TXNIP: variants seen among roughly 807,000 people sequenced by gnomAD.
The protein encoded by TXNIP is thioredoxin interacting protein.
In TXNIP, 23 loss-of-function variants were observed where a neutral mutation model predicts 43.9. The observed-to-expected ratio is 0.52, with a 90% CI of 0.38 to 0.74. TXNIP has a LOEUF of 0.74. Among genes scored for constraint, TXNIP ranks in the 30% least tolerant of loss-of-function variants. The pLI is 0.00. For missense variants in TXNIP, 555 were observed against 485.4 expected, an observed-to-expected ratio of 1.14 and a Z score of -1.35; for synonymous variants, 234 against 172.2, an observed-to-expected ratio of 1.36 and a Z score of -2.81.
intron 3 of TXNIP, 30 bp from the exon 4 acceptor site, chr1:145,995,061 G>A (rs1361996535): frequency 3.1e-5 from 50 of 1,613,384 alleles, no homozygotes; most frequent in Non-Finnish European, 4.2e-5. Flanking sequence ...AAGGTGTTTT[G>A]AGATGCTTCA....
rs1651432679 is a variant in TXNIP, at chr1:145,995,261, A to ACACCCG, written c.353_354insCGGGTG (p.Gly119_Cys120dup). On this transcript the variant is annotated inframe_insertion, in exon 3 of 8. Coordinates refer to ENST00000582401, the MANE Select transcript of TXNIP (RefSeq NM_006472.6). ...CCTTCACCCAGTAGTCTACACACCC[A>ACACCCG]TATTTTCCTTTGAAGGATGTTCCCA... is the stretch of plus-strand genomic sequence containing the variant. The ACACCCG allele has an allele frequency of 6.2e-7, 1 of 1,614,018 alleles. No individual in the cohort carries two copies. Among genetic ancestry groups the ACACCCG allele is most frequent in the Admixed American group, 1.7e-5 (1 of 59,990 alleles).
rs1459552093 is a variant in TXNIP at position 145,996,366 on chromosome 1, G to A, written c.-100C>T. On this transcript the variant is annotated 5_prime_UTR_variant, in exon 1 of 8. Coordinates refer to ENST00000582401, the MANE Select transcript of TXNIP (RefSeq NM_006472.6). ...TTTGCAAAAAATTATTTCACTTTAA[G>A]GAATTAAGGTATTCTTAAGCAGTTT... is the stretch of plus-strand genomic sequence containing the variant. 3.7e-6 allele frequency: 5 copies of A among 1,353,366 alleles called. No individual in the cohort carries two copies. Among genetic ancestry groups the A allele is most frequent in the East Asian group, 2.3e-5 (1 of 43,330 alleles). The allele number at this position is 1,353,366 out of a possible 1,614,324, so 83.8% of individuals were successfully genotyped here.
At chr1:145,995,616 C>T (rs932680935) in intron 1 of TXNIP, 140 bp from the exon 2 acceptor site, 11 of 800,048 alleles carry the variant, frequency 1.4e-5, no homozygotes, top group Non-Finnish European at 1.9e-5. Context: ...TTTAATCCAT[C>T]CCATATTGTT....
chr1:145,996,310 G>GA lies in TXNIP; in HGVS notation c.-45dup, dbSNP rs587651569. On this transcript the variant is annotated 5_prime_UTR_variant, in exon 1 of 8. Coordinates refer to ENST00000582401, the MANE Select transcript of TXNIP (RefSeq NM_006472.6). ...TTAAGAGTTAGAAATGACGGTGGAA[G>GA]AAAAAAAAAGCTCCAAATCGAGGAA... 732 of 1,544,694 alleles carry GA rather than the reference G, an allele frequency of 4.7e-4. No individual in the cohort carries two copies. The African/African-American group carries it at 6.6e-3, about 14-fold the overall frequency.
chr1:145,996,233 C>T lies in TXNIP; in HGVS notation c.34G>A (p.Val12Met), dbSNP rs138655999. 2.5e-6 allele frequency: 4 copies of T among 1,613,876 alleles called. No homozygotes were observed. Among genetic ancestry groups the T allele is most frequent in the Middle Eastern group, 1.6e-4 (1 of 6,084 alleles). ...ACCTTTTCAGGGTCGTTAAAGACCA[C>T]CTCAAAAGACTTGATCTTCTTGAAC... is the stretch of plus-strand genomic sequence containing the variant. Reference protein sequence around the residue: ...VMFKKIKSFEVVFNDPEKVYG... With the variant: ...VMFKKIKSFEMVFNDPEKVYG... Residue 12 changes from valine (V) to methionine (M), a missense_variant, in exon 1 of 8, where the codon GTG (valine) becomes ATG (methionine). Val to Met is a conservative substitution (Grantham distance 21). Transcript: ENST00000582401.
At position 145,996,063 on chromosome 1, in the gene TXNIP, C is replaced by T. The variant is rs1271699423; in HGVS notation, c.204G>A (p.Glu68=). 6.2e-7 allele frequency: 1 copy of T among 1,613,988 alleles called. No homozygotes were observed. Among genetic ancestry groups the T allele is most frequent in the Admixed American group, 1.7e-5 (1 of 59,996 alleles). ...GAAGCGTGTCTTCATAGCGCAGGTACTCCGAAGTCTGTTTGCACTGCTGGG... is the reference window on the plus strand; with the variant it reads ...GAAGCGTGTCTTCATAGCGCAGGTATTCCGAAGTCTGTTTGCACTGCTGGG... ...QGSQQCKQTS[E]YLRYEDTLLL... The change falls in exon 1 of 8, where the codon GAG becomes GAA. Residue 68 remains glutamate, a synonymous_variant. Coordinates refer to ENST00000582401, the MANE Select transcript of TXNIP (RefSeq NM_006472.6).
rs587682019 is a variant in TXNIP, at chr1:145,993,973, G to A, written c.1140+43C>T. On this transcript the variant is annotated intron_variant, in intron 7 of 7. Coordinates refer to ENST00000582401, the MANE Select transcript of TXNIP (RefSeq NM_006472.6). ...AATCCGTCTAAGTCAACTTCTTATA[G>A]AAAGCTTAGGACAAATTTAACAGTA... 11 of 1,613,718 alleles carry A rather than the reference G, an allele frequency of 6.8e-6. 1 individual carries two copies. The Admixed American group carries it at 1.0e-4, about 15-fold the overall frequency.
At position 145,994,883 on chromosome 1, in the gene TXNIP, C is replaced by T. The variant is rs1651395190; in HGVS notation, c.574+46G>A. 2.5e-6 allele frequency: 4 copies of T among 1,613,994 alleles called. No individual in the cohort carries two copies. In the East Asian group the frequency reaches 8.9e-5, roughly 36 times the overall value. ...CTACCCCAGTCCCATGCCCTTGCCC[C>T]TAAACCCAGTTCCTGTTTTAACTGC... On this transcript the variant is annotated intron_variant, in intron 4 of 7. Transcript: ENST00000582401.
At chr1:145,993,982 G>C in intron 7 of TXNIP, 34 bp downstream of exon 7, 8 of 1,613,908 alleles carry the variant, frequency 5.0e-6, no homozygotes, top group Non-Finnish European at 6.8e-6. Flanking sequence ...AGAAAGCTTA[G>C]GACAAATTTA....
In TXNIP at chr1:145,994,951, A is replaced by G; in HGVS notation, c.552T>C (p.Ile184=). Residue 184 remains isoleucine, a synonymous_variant, in exon 4 of 8, where the codon ATT becomes ATC. Transcript: ENST00000582401. ...PDGRVSVSAR[I]DRKGFCEGDE... ...TACCTTCACAGAATCCTTTTCTGTC[A>G]ATTCGAGCAGAGACAGACACCCGCC... is the stretch of plus-strand genomic sequence containing the variant. 2 of 1,614,196 alleles carry G rather than the reference A, an allele frequency of 1.2e-6. No homozygotes were observed. Among genetic ancestry groups the G allele is most frequent in the South Asian group, 2.2e-5 (2 of 91,082 alleles).
At chr1:145,995,325 T>A in intron 2 of TXNIP, 34 bp from the exon 3 acceptor site, 1 of 1,610,504 alleles carries the variant, frequency 6.2e-7, no homozygotes, top group Non-Finnish European at 8.5e-7. Context: ...TAAAACGCTC[T>A]CCAAGAACAG....
chr1:145,993,789 G>A lies in TXNIP; in HGVS notation c.*62C>T, dbSNP rs371239177. ...GACTGTTGAGTCTCTGAAAAAGTGA[G>A]TGTCCAGGAAGAGAGACAAAAAGAA... On this transcript the variant is annotated 3_prime_UTR_variant, in exon 8 of 8. Transcript: ENST00000582401. 1.7e-4 allele frequency: 276 copies of A among 1,593,190 alleles called. No homozygotes were observed. Among genetic ancestry groups the A allele is most frequent in the Non-Finnish European group, 2.2e-4 (254 of 1,163,714 alleles).
At chr1:145,995,643 G>C in intron 1 of TXNIP, 167 bp from the exon 2 acceptor site, 1 of 708,416 alleles carries the variant, frequency 1.4e-6, no homozygotes, top group Non-Finnish European at 2.4e-6. Context: ...GAGAAATTCT[G>C]ATGTATTTTG....
chr1:145,995,067 C>T (rs782236393), intron 3 of TXNIP, 36 bp from the exon 4 acceptor site: 3 of 1,613,426 alleles, frequency 1.9e-6, no homozygotes, highest in East Asian at 2.2e-5. Context: ...TTTTGAGATG[C>T]TTCAATCTAA....
In TXNIP at chr1:145,996,041, G is replaced by A. The variant is rs1553766515; in HGVS notation, c.226C>T (p.Leu76Phe). The change falls in exon 1 of 8, where the codon CTT becomes TTT. Residue 76 changes from leucine to phenylalanine, a missense_variant. By Grantham distance (22) the Leu-to-Phe change is conservative. Coordinates refer to ENST00000582401, the MANE Select transcript of TXNIP (RefSeq NM_006472.6). ...TSEYLRYEDT[L>F]LLEDQPTGEN... is the part of the protein sequence containing the mutation. ...CCTGTTGGCTGGTCTTCCAGAAGAA[G>A]CGTGTCTTCATAGCGCAGGTACTCC... 11 of 1,613,854 alleles carry A rather than the reference G, an allele frequency of 6.8e-6. No homozygotes were observed. Among genetic ancestry groups the A allele is most frequent in the Admixed American group, 1.7e-5 (1 of 60,014 alleles).
rs781993173 is a variant in TXNIP at position 145,993,831 on chromosome 1, GCTT to G, written c.*17_*19del. ...CAAAAAGAAACAAGTAGGTAAAGCT[GCTT>G]CTTTTCTTCCACATGCTCACTGCAC... On this transcript the variant is annotated 3_prime_UTR_variant, in exon 8 of 8. Coordinates refer to ENST00000582401, the MANE Select transcript of TXNIP (RefSeq NM_006472.6). 89 of 1,614,016 alleles carry G rather than the reference GCTT, an allele frequency of 5.5e-5. No individual in the cohort carries two copies. The highest frequency in any genetic ancestry group is 3.3e-4 in the African/African-American group (25 of 75,050).
chr1:145,995,231 A>T lies in TXNIP; in HGVS notation c.384T>A (p.Phe128Leu). 1 of 1,614,128 alleles carries T rather than the reference A, an allele frequency of 6.2e-7. No homozygotes were observed. The highest frequency in any genetic ancestry group is 8.5e-7 in the Non-Finnish European group (1 of 1,180,016). ...YGCVDYWVKA[F>L]LDRPSQPTQE... is the part of the protein sequence containing the mutation. ...GAGTTGGCTGGCTCGGGCGGTCAAG[A>T]AAAGCCTTCACCCAGTAGTCTACAC... The change falls in exon 3 of 8, where the codon TTT becomes TTA. Residue 128 changes from phenylalanine (F) to leucine (L), a missense_variant. Phe to Leu is a conservative substitution (Grantham distance 22). Transcript: ENST00000582401.
In TXNIP at chr1:145,996,116, C is replaced by T. The variant is rs199588693; in HGVS notation, c.151G>A (p.Val51Met). The T allele has an allele frequency of 6.2e-7, 1 of 1,614,138 alleles. No individual in the cohort carries two copies. The highest frequency in any genetic ancestry group is 1.1e-5 in the South Asian group (1 of 91,082). ...VKAVRILACG[V>M]AKVLWMQGSQ... ...CCCTGCATCCAAAGCACTTTAGCCA[C>T]TCCGCAAGCCAGGATCCTAACGGCT... Residue 51 changes from valine (V) to methionine (M), a missense_variant, in exon 1 of 8, where the codon GTG (valine) becomes ATG (methionine). By Grantham distance (21) the Val-to-Met change is conservative. Coordinates refer to ENST00000582401, the MANE Select transcript of TXNIP (RefSeq NM_006472.6).
chr1:145,993,557 G>A lies in TXNIP; in HGVS notation c.*294C>T, dbSNP rs896250928. 2 of 309,144 alleles carry A rather than the reference G, an allele frequency of 6.5e-6. No homozygotes were observed. The highest frequency in any genetic ancestry group is 4.3e-5 in the African/African-American group (2 of 46,942). 19.2% of individuals were successfully genotyped at this position (309,144 alleles called of 1,614,324 possible). A position where few individuals can be genotyped will look rare whatever the true frequency, so the allele number is the denominator to read the frequency against. On this transcript the variant is annotated 3_prime_UTR_variant, in exon 8 of 8. Coordinates refer to ENST00000582401, the MANE Select transcript of TXNIP (RefSeq NM_006472.6). ...TTACCTGACCCGAAACTATCGAAAA[G>A]GCCTCAATTTTCAAGGAGATCTGAG...
Sources: allele counts gnomAD v4.1 joint callset, GRCh38; gene constraint gnomAD v4.1.1; transcripts MANE v1.5; gene names NCBI Gene and HGNC (gene_info 2026-07-23, HGNC 2026-07-21).